Variants in KSR2 observed in about 807,000 individuals in gnomAD.
The protein encoded by KSR2 is kinase suppressor of ras 2.
KSR2 carries 25 observed loss-of-function variants against 107.8 expected under a neutral mutation model. That is an observed-to-expected ratio of 0.23 (90% CI 0.17 to 0.32). The LOEUF is 0.32. Among genes scored for constraint, KSR2 ranks in the 10% least tolerant of loss-of-function variants. The pLI is 1.00. For synonymous variants in KSR2, 480 were observed against 507.0 expected (o/e 0.95, Z 0.71); for missense variants, 887 against 1,268.9 (o/e 0.70, Z 4.57).
intron 5 of KSR2, among the ~76,000 whole-genome samples, chr12:117,598,010 T>G (rs1242063614): frequency 6.6e-6 from 1 of 151,112 alleles, no homozygotes; most frequent in East Asian, 1.9e-4. Context: ...TTTCAATATA[T>G]TTTGGGGGCA....
chr12:117,656,927 C>CAT (rs1884180729), intron 5 of KSR2, among the ~76,000 whole-genome samples: 1 of 83,422 alleles, frequency 1.2e-5, no homozygotes. Context: ...TGTGTGTATA[C>CAT]ATATATATAA....
chr12:117,937,117 A>G (rs1895870464), intron 1 of KSR2, among the ~76,000 whole-genome samples: 1 of 152,240 alleles, frequency 6.6e-6, no homozygotes, highest in Non-Finnish European at 1.5e-5. Context: ...GATTATACAC[A>G]TATGACTAAA....
At chr12:117,562,897 A>C in intron 7 of KSR2, among the ~76,000 whole-genome samples, 1 of 152,192 alleles carries the variant, frequency 6.6e-6, no homozygotes, top group Admixed American at 6.5e-5. Flanking sequence ...CAGGCACTTA[A>C]ACCTTGCACT....
chr12:117,513,434 GC>G (rs887387218), intron 14 of KSR2, among the ~76,000 whole-genome samples: 1 of 152,192 alleles, frequency 6.6e-6, no homozygotes, highest in Non-Finnish European at 1.5e-5. Context: ...AAAGTCTGGG[GC>G]CCAGCAAGTT....
intron 1 of KSR2, among the ~76,000 whole-genome samples, chr12:117,921,461 T>C (rs1404356818): frequency 6.6e-6 from 1 of 152,088 alleles, no homozygotes; most frequent in Non-Finnish European, 1.5e-5. Context: ...TGCTACATTG[T>C]CCAGGCTGGT....
chr12:117,858,119 A>G (rs10507285), intron 2 of KSR2, among the ~76,000 whole-genome samples: 37,659 of 152,098 alleles, frequency 0.25, 4,964 homozygotes, highest in African/African-American at 0.33. Flanking sequence ...TCGGTTTTTA[A>G]GTATTGGCTC....
intron 14 of KSR2, among the ~76,000 whole-genome samples, chr12:117,516,337 C>G (rs1189376026): frequency 6.6e-6 from 1 of 152,142 alleles, no homozygotes; most frequent in African/African-American, 2.4e-5. Flanking sequence ...GGTTCAGTAA[C>G]TTGGCCAGGG....
At chr12:117,551,579 T>C (rs1444782386) in intron 9 of KSR2, among the ~76,000 whole-genome samples, 2 of 151,994 alleles carry the variant, frequency 1.3e-5, no homozygotes, top group African/African-American at 4.8e-5. Flanking sequence ...CTCTAACCAC[T>C]GTGCTGGGTG....
At chr12:117,959,548 C>T (rs1451396816) in intron 1 of KSR2, among the ~76,000 whole-genome samples, 1 of 152,160 alleles carries the variant, frequency 6.6e-6, no homozygotes, top group East Asian at 1.9e-4. Flanking sequence ...TGCTCTCATT[C>T]CTACCTCCTA....
chr12:117,680,390 G>A (rs981500442), intron 4 of KSR2, among the ~76,000 whole-genome samples: 65 of 152,246 alleles, frequency 4.3e-4, no homozygotes, highest in African/African-American at 1.5e-3. Flanking sequence ...AGCTACATGT[G>A]GCTAGTGGCT....
At chr12:117,644,738 A>G (rs115891713) in intron 5 of KSR2, among the ~76,000 whole-genome samples, 1,990 of 152,288 alleles carry the variant, frequency 0.013, 42 homozygotes, top group African/African-American at 0.046. Context: ...AGAAAGAGAA[A>G]TACTCATCAA....
intron 1 of KSR2, among the ~76,000 whole-genome samples, chr12:117,966,210 C>CA (rs1017923501): frequency 1.9e-4 from 29 of 150,592 alleles, no homozygotes; most frequent in South Asian, 4.2e-4. Flanking sequence ...ATGTTTGAAA[C>CA]AAAAAAAAAG....
At chr12:117,848,841 G>GGTGGTGATGGTGGTGGTGGTGA (rs1892811014) in intron 3 of KSR2, among the ~76,000 whole-genome samples, 1 of 141,780 alleles carries the variant, frequency 7.1e-6, no homozygotes. Flanking sequence ...GGTAGTGGTG[G>GGTGGTGATGGTGGTGGTGGTGA]TGATGGTGAT....
At chr12:117,568,445 G>A (rs16947735) in intron 7 of KSR2, among the ~76,000 whole-genome samples, 9,477 of 152,166 alleles carry the variant, frequency 0.062, 393 homozygotes, top group Admixed American at 0.14. Context: ...ATTTATTGCC[G>A]GCCTGCTGTG....
At position 117,667,458 on chromosome 12, in the gene KSR2, C is replaced by A; in HGVS notation, c.1171+16G>T. 2 of 1,604,436 alleles carry A rather than the reference C, an allele frequency of 1.2e-6. No homozygotes were observed. Among genetic ancestry groups the A allele is most frequent in the East Asian group, 2.2e-5 (1 of 44,492 alleles). On this transcript the variant is annotated intron_variant, in intron 5 of 19. Coordinates refer to ENST00000339824, the MANE Select transcript of KSR2 (RefSeq NM_173598.6). ...CATGGCAAGCGTTCCCAGTGCAGCC[C>A]GGCAGGGTGACTTACTTGCAGAGAA...
intron 5 of KSR2, among the ~76,000 whole-genome samples, chr12:117,643,363 C>T (rs948220604): frequency 1.3e-5 from 2 of 152,246 alleles, no homozygotes; most frequent in Middle Eastern, 3.4e-3. Context: ...AGGAGAATCG[C>T]TTGAATCTGG....
At chr12:117,688,607 T>C (rs886750831) in intron 4 of KSR2, among the ~76,000 whole-genome samples, 5 of 152,150 alleles carry the variant, frequency 3.3e-5, no homozygotes, top group African/African-American at 1.2e-4. Context: ...TGAAGCAAAA[T>C]ACTTTTCACA....
At chr12:117,617,776 C>T (rs80036748) in intron 5 of KSR2, among the ~76,000 whole-genome samples, 41 of 152,256 alleles carry the variant, frequency 2.7e-4, no homozygotes, top group Non-Finnish European at 4.7e-4. Context: ...CATTTATAAA[C>T]GTGTATGCAC....
At chr12:117,848,799 TAACAACA>T (rs1463316173) in intron 3 of KSR2, among the ~76,000 whole-genome samples, 1 of 146,440 alleles carries the variant, frequency 6.8e-6, no homozygotes, top group East Asian at 2.0e-4. Flanking sequence ...GTGATGGTGG[TAACAACA>T]GTGATGGTGG....
Sources: allele counts gnomAD v4.1 joint callset (sites outside exome capture counted in the v4.1 genomes callset), GRCh38; gene constraint gnomAD v4.1.1; transcripts MANE v1.5; gene names NCBI Gene and HGNC (gene_info 2026-07-23, HGNC 2026-07-21).